The following SCAI variants were observed in gnomAD, a reference collection of about 807,000 sequenced individuals.
The protein encoded by SCAI is protein SCAI.
A neutral mutation model predicts 92.2 loss-of-function variants in SCAI; 24 were observed. The observed-to-expected ratio is 0.26, with a 90% CI of 0.19 to 0.37. The LOEUF is 0.37. SCAI is among the 10% of genes least tolerant of loss of function. The pLI, the probability that SCAI is intolerant of heterozygous loss-of-function variation, is 1.00. For synonymous variants in SCAI, 261 were observed against 258.6 expected (o/e 1.01, Z -0.09); for missense variants, 450 against 736.2 (o/e 0.61, Z 4.50).
intron 9 of SCAI, among the ~76,000 whole-genome samples, chr9:125,007,902 G>A (rs192940420): frequency 3.3e-5 from 5 of 151,924 alleles, no homozygotes; most frequent in Admixed American, 2.6e-4. Flanking sequence ...CTGGAGTGCA[G>A]TGGTCTGATC....
chr9:124,979,850 C>A (rs1831844171), intron 14 of SCAI, among the ~76,000 whole-genome samples: 1 of 152,006 alleles, frequency 6.6e-6, no homozygotes, highest in Non-Finnish European at 1.5e-5. Context: ...GTGATCGAGA[C>A]CATCCTGGCT....
chr9:125,030,896 C>T (rs1319740153), intron 3 of SCAI, among the ~76,000 whole-genome samples: 2 of 152,164 alleles, frequency 1.3e-5, no homozygotes, highest in African/African-American at 4.8e-5. Context: ...AATTCAAGAA[C>T]TTACAAGATT....
intron 17 of SCAI, among the ~76,000 whole-genome samples, chr9:124,960,415 C>G (rs986668071): frequency 2.6e-5 from 4 of 152,122 alleles, no homozygotes; most frequent in African/African-American, 9.7e-5. Context: ...CAACACTGTA[C>G]AACTGCCATG....
intron 17 of SCAI, among the ~76,000 whole-genome samples, chr9:124,959,578 G>A (rs1362713970): frequency 2.0e-5 from 3 of 148,468 alleles, no homozygotes; most frequent in African/African-American, 5.1e-5. Flanking sequence ...TAGGGTACAT[G>A]TGCCATGCAG....
At chr9:125,028,208 T>C (rs546134710) in intron 5 of SCAI, among the ~76,000 whole-genome samples, 184 bp downstream of exon 5, 2 of 152,324 alleles carry the variant, frequency 1.3e-5, no homozygotes, top group East Asian at 3.9e-4. Flanking sequence ...TTAAAACAAA[T>C]AGTACTTTGA....
Position 124,950,297 on chromosome 9 carries a change from C to T in SCAI, c.*2510G>A, listed in dbSNP as rs996495010. 17 of 152,002 alleles carry T rather than the reference C, an allele frequency of 1.1e-4. No individual in the cohort carries two copies. The highest frequency in any genetic ancestry group is 4.1e-4 in the African/African-American group (17 of 41,380). 9.4% of individuals were successfully genotyped at this position (152,002 alleles called of 1,614,324 possible). A position where few individuals can be genotyped will look rare whatever the true frequency, so the allele number is the denominator to read the frequency against. ...CAGAGTTGGAGAAGACCTGGGCCAA[C>T]CTCTTCATTTTACAGATGAGAGTGC... On this transcript the variant is annotated 3_prime_UTR_variant, in exon 18 of 18. Transcript: ENST00000336505.
chr9:124,970,235 A>C (rs1456521390), intron 17 of SCAI, among the ~76,000 whole-genome samples: 2 of 152,186 alleles, frequency 1.3e-5, no homozygotes, highest in Non-Finnish European at 2.9e-5. Flanking sequence ...ATATATAGTC[A>C]AACACTGCCT....
At chr9:125,013,397 T>A (rs1407728020) in intron 9 of SCAI, among the ~76,000 whole-genome samples, 3 of 151,962 alleles carry the variant, frequency 2.0e-5, no homozygotes, top group Admixed American at 6.6e-5. Flanking sequence ...GAATACTATA[T>A]ACACCTCTAC....
At chr9:125,003,679 G>T in intron 9 of SCAI, 109 bp from the exon 10 acceptor site, 2 of 681,178 alleles carry the variant, frequency 2.9e-6, no homozygotes, top group South Asian at 1.8e-5. Context: ...TCAGGGCTTT[G>T]GGTACCTTTT....
intron 2 of SCAI, among the ~76,000 whole-genome samples, chr9:125,079,786 G>A (rs1444625969): frequency 2.0e-5 from 3 of 151,876 alleles, no homozygotes; most frequent in African/African-American, 7.3e-5. Context: ...GGTATTTCAC[G>A]GAACATGAGG....
At chr9:125,051,530 A>C (rs1833560630) in intron 3 of SCAI, among the ~76,000 whole-genome samples, 2 of 152,246 alleles carry the variant, frequency 1.3e-5, no homozygotes, top group Non-Finnish European at 2.9e-5. Context: ...GAGCAGATTT[A>C]AAATGTTCCC....
intron 12 of SCAI, among the ~76,000 whole-genome samples, chr9:125,000,912 T>C (rs1203691523): frequency 6.6e-6 from 1 of 152,140 alleles, no homozygotes; most frequent in East Asian, 1.9e-4. Context: ...ACAGCAACTG[T>C]GGGATGTTCA....
chr9:125,088,707 G>C (rs186067569), intron 2 of SCAI, among the ~76,000 whole-genome samples: 1 of 152,220 alleles, frequency 6.6e-6, no homozygotes, highest in East Asian at 1.9e-4. Flanking sequence ...TGAACTCATG[G>C]GCTCAAGCAA....
At position 125,069,684 on chromosome 9, in the gene SCAI, C is replaced by T. The variant is rs186714384; in HGVS notation, c.99-13677G>A. On this transcript the variant is annotated intron_variant, in intron 2 of 17. Coordinates refer to ENST00000336505, the MANE Select transcript of SCAI (RefSeq NM_001144877.3). ...TGTCACCAAGGCTGGAGTGCAGTTGCATGATCTTGGCTCACTGCAACCTCC... is the reference window on the plus strand; with the variant it reads ...TGTCACCAAGGCTGGAGTGCAGTTGTATGATCTTGGCTCACTGCAACCTCC... 8.8e-5 allele frequency among the ~76,000 whole-genome samples: 12 copies of T among 136,094 alleles called. No individual in the cohort carries two copies. The Admixed American group carries it at 9.8e-4, about 11-fold the overall frequency. 89.3% of individuals were successfully genotyped at this position (136,094 alleles called of 152,430 possible).
chr9:125,096,569 T>TTCTTGTTTGGCTAG lies in SCAI; in HGVS notation c.99-40563_99-40562insCTAGCCAAACAAGA, dbSNP rs543093430. Among the ~76,000 whole-genome samples, 1,135 of 152,304 alleles carry TTCTTGTTTGGCTAG rather than the reference T, an allele frequency of 7.5e-3. 10 individuals carry two copies. The highest frequency in any genetic ancestry group is 0.013 in the Non-Finnish European group (901 of 68,006). ...AGCCAAAGTTGTCTACCTTGAGGCT[T>TTCTTGTTTGGCTAG]TCTTGGTATCACATCCTTGATACCA... On this transcript the variant is annotated intron_variant, in intron 2 of 17. Coordinates refer to ENST00000336505, the MANE Select transcript of SCAI (RefSeq NM_001144877.3).
At chr9:125,117,048 G>A (rs1427530205) in intron 2 of SCAI, among the ~76,000 whole-genome samples, 2 of 152,106 alleles carry the variant, frequency 1.3e-5, no homozygotes, top group African/African-American at 4.8e-5. Flanking sequence ...TATGCTGACT[G>A]AATTAAATAA....
At chr9:124,982,222 T>A (rs557933394) in intron 14 of SCAI, among the ~76,000 whole-genome samples, 30 of 152,296 alleles carry the variant, frequency 2.0e-4, no homozygotes, top group African/African-American at 7.0e-4. Context: ...GAGATCAGCA[T>A]TCACAACTTA....
chr9:125,117,395 T>C (rs1835066283), intron 2 of SCAI, among the ~76,000 whole-genome samples: 1 of 152,112 alleles, frequency 6.6e-6, no homozygotes, highest in Non-Finnish European at 1.5e-5. Flanking sequence ...CTGAGGAACT[T>C]TGGCTCACGC....
At chr9:124,962,945 C>T (rs982553364) in intron 17 of SCAI, among the ~76,000 whole-genome samples, 4 of 151,178 alleles carry the variant, frequency 2.6e-5, no homozygotes, top group African/African-American at 9.7e-5. Context: ...ATTACAGGTG[C>T]ATGCCACCAC....
Sources: gnomAD v4.1 joint callset for allele counts (sites outside exome capture counted in the v4.1 genomes callset) on GRCh38, gnomAD v4.1.1 for gene constraint, MANE v1.5 for transcripts, NCBI Gene and HGNC (gene_info 2026-07-23, HGNC 2026-07-21) for gene names.